The following LRRC7 variants were observed in gnomAD, a reference collection of about 807,000 sequenced individuals.
The protein encoded by LRRC7 is leucine-rich repeat-containing protein 7.
In LRRC7, 23 loss-of-function variants were observed where a neutral mutation model predicts 175.7. The observed-to-expected ratio is 0.13, with a 90% confidence interval of 0.09 to 0.19. LRRC7 has a LOEUF of 0.19. Ranked by LOEUF, LRRC7 falls within the 10% of genes least tolerant of loss-of-function variation. The probability of loss-of-function intolerance (pLI) is 1.00; values close to 1 mark genes in which losing one functional copy is unlikely to be tolerated. For missense variants in LRRC7, 1,354 were observed against 1,904.7 expected (o/e 0.71, Z 5.38); for synonymous variants, 685 against 680.9 (o/e 1.01, Z -0.09).
intron 8 of LRRC7, among the ~76,000 whole-genome samples, chr1:69,970,057 G>T (rs1652072883): frequency 6.6e-6 from 1 of 152,074 alleles, no homozygotes; most frequent in Non-Finnish European, 1.5e-5. Flanking sequence ...AATCAAGATG[G>T]AAATTTAAAA....
At chr1:70,060,508 T>C (rs1661495932) in intron 23 of LRRC7, among the ~76,000 whole-genome samples, 2 of 152,124 alleles carry the variant, frequency 1.3e-5, no homozygotes, top group African/African-American at 4.8e-5. Flanking sequence ...AGGTCCCTTA[T>C]GTCAAAAGGT....
At chr1:69,617,561 A>AAAAAAAAAAAAAAAAAAAAAAAAAC (rs1649849344) in intron 1 of LRRC7, among the ~76,000 whole-genome samples, 1 of 149,846 alleles carries the variant, frequency 6.7e-6, no homozygotes, top group Non-Finnish European at 1.5e-5. Flanking sequence ...AAAAAAAAAA[A>AAAAAAAAAAAAAAAAAAAAAAAAAC]AAAAAAAAAA....
intron 1 of LRRC7, among the ~76,000 whole-genome samples, chr1:69,615,640 A>ATATATACATGCAATTT (rs1649486835): frequency 6.6e-6 from 1 of 152,066 alleles, no homozygotes; most frequent in Non-Finnish European, 1.5e-5. Flanking sequence ...GAAAGAGTCT[A>ATATATACATGCAATTT]TATATACATG....
intron 1 of LRRC7, among the ~76,000 whole-genome samples, chr1:69,637,097 T>TCTCTCTCTCTCTC (rs1653496690): frequency 6.7e-6 from 1 of 149,240 alleles, no homozygotes; most frequent in Admixed American, 6.7e-5. Context: ...TCTCTCTCTC[T>TCTCTCTCTCTCTC]TCCCCTCCCC....
chr1:69,765,539 G>A (rs1671530975), intron 3 of LRRC7, among the ~76,000 whole-genome samples: 1 of 151,994 alleles, frequency 6.6e-6, no homozygotes, highest in African/African-American at 2.4e-5. Flanking sequence ...CTAATTTAAA[G>A]GATAGACCAT....
At chr1:69,722,707 A>G (rs1240980362) in intron 2 of LRRC7, among the ~76,000 whole-genome samples, 1 of 152,076 alleles carries the variant, frequency 6.6e-6, no homozygotes. Context: ...GCGTTTTTCT[A>G]TTAGACAGAT....
intron 18 of LRRC7, among the ~76,000 whole-genome samples, chr1:70,030,016 CCTT>C (rs1276901462): frequency 2.0e-5 from 3 of 152,090 alleles, no homozygotes; most frequent in Non-Finnish European, 2.9e-5. Flanking sequence ...ATTTCTTTCT[CCTT>C]CTTTCTCTCC....
At chr1:70,103,284 T>C (rs567085105) in intron 25 of LRRC7, among the ~76,000 whole-genome samples, 15 of 152,100 alleles carry the variant, frequency 9.9e-5, no homozygotes, top group African/African-American at 3.4e-4. Context: ...TTACATTACA[T>C]GGCAAACAGG....
chr1:70,061,697 G>A (rs1342863858), intron 23 of LRRC7, among the ~76,000 whole-genome samples: 2 of 152,074 alleles, frequency 1.3e-5, no homozygotes, highest in Non-Finnish European at 2.9e-5. Context: ...ATAAAAAAGT[G>A]GAAAAGTAGG....
chr1:70,031,690 G>A (rs1385842793), intron 18 of LRRC7, among the ~76,000 whole-genome samples: 1 of 151,958 alleles, frequency 6.6e-6, no homozygotes, highest in East Asian at 1.9e-4. Context: ...AGGAATCATA[G>A]TAGACACCAC....
chr1:69,862,678 ATT>A (rs974303366), intron 7 of LRRC7, among the ~76,000 whole-genome samples: 1 of 152,184 alleles, frequency 6.6e-6, no homozygotes, highest in Non-Finnish European at 1.5e-5. Flanking sequence ...TATTGTAATA[ATT>A]TTTTAGAGTC....
chr1:69,624,149 A>G (rs917784578), intron 1 of LRRC7, among the ~76,000 whole-genome samples: 4 of 152,192 alleles, frequency 2.6e-5, no homozygotes, highest in Admixed American at 1.3e-4. Context: ...CCTCCAGAAG[A>G]GAATTTCTGC....
intron 8 of LRRC7, among the ~76,000 whole-genome samples, chr1:69,955,157 T>C (rs1650363601): frequency 6.6e-6 from 1 of 152,050 alleles, no homozygotes; most frequent in African/African-American, 2.4e-5. Context: ...GGATGAATAC[T>C]TGTGTTGATC....
Position 69,815,672 on chromosome 1 carries a change from A to G in LRRC7, c.422-10076A>G, listed in dbSNP as rs572432292. Reference sequence around the variant, plus strand: ...GGCTTTAAACAAAAAATGTACTTCAAGAAGCTCTTTCTCAGTCTGTTCAGG... The same window carrying G: ...GGCTTTAAACAAAAAATGTACTTCAGGAAGCTCTTTCTCAGTCTGTTCAGG... On this transcript the variant is annotated intron_variant, in intron 4 of 26. Transcript: ENST00000651989. Among the ~76,000 whole-genome samples the G allele has an allele frequency of 2.5e-4, 38 of 152,330 alleles. No individual in the cohort carries two copies. The South Asian group carries it at 7.9e-3, about 32-fold the overall frequency.
intron 8 of LRRC7, among the ~76,000 whole-genome samples, chr1:69,975,862 C>A (rs1278903283): frequency 6.6e-6 from 1 of 152,028 alleles, no homozygotes; most frequent in Non-Finnish European, 1.5e-5. Context: ...CTGTCAATCT[C>A]CTCTTCATTG....
intron 1 of LRRC7, among the ~76,000 whole-genome samples, chr1:69,639,435 C>A (rs990211319): frequency 5.3e-5 from 8 of 151,784 alleles, no homozygotes; most frequent in Non-Finnish European, 1.2e-4. Flanking sequence ...GAAACATCAG[C>A]CTCACAATTA....
At chr1:69,713,075 A>G (rs1349429510) in intron 2 of LRRC7, among the ~76,000 whole-genome samples, 3 of 152,196 alleles carry the variant, frequency 2.0e-5, no homozygotes, top group African/African-American at 4.8e-5. Flanking sequence ...TATTTTTAAG[A>G]TATCACTTTC....
At chr1:69,686,285 A>G (rs1408869948) in intron 2 of LRRC7, among the ~76,000 whole-genome samples, 4 of 152,230 alleles carry the variant, frequency 2.6e-5, no homozygotes. Flanking sequence ...GAAAAGTTTA[A>G]CAAAAGAAGA....
chr1:70,040,664 A>G (rs1377511997), intron 21 of LRRC7, among the ~76,000 whole-genome samples: 1 of 152,110 alleles, frequency 6.6e-6, no homozygotes, highest in African/African-American at 2.4e-5. Context: ...TACAAAAAAA[A>G]TTGGCCAGGC....
Sources: gnomAD v4.1 joint callset for allele counts (sites outside exome capture counted in the v4.1 genomes callset) on GRCh38, gnomAD v4.1.1 for gene constraint, MANE v1.5 for transcripts, NCBI Gene and HGNC (gene_info 2026-07-23, HGNC 2026-07-21) for gene names.